Variants in PATJ observed in about 807,000 individuals in gnomAD.
PATJ encodes the protein inaD-like protein.
PATJ carries 190 observed loss-of-function variants against 224.9 expected under a neutral mutation model. The observed-to-expected ratio is 0.84, with a 90% CI of 0.75 to 0.95. The LOEUF (loss-of-function observed/expected upper bound fraction) is 0.95. PATJ is among the 40% of genes least tolerant of loss of function. PATJ has a pLI of 0.00. For synonymous variants in PATJ, 769 were observed against 820.3 expected, an observed-to-expected ratio of 0.94 and a Z score of 1.07; for missense variants, 2,121 against 2,270.3, an observed-to-expected ratio of 0.93 and a Z score of 1.34.
At chr1:62,076,062 G>C (rs573752290) in intron 31 of PATJ, among the ~76,000 whole-genome samples, 1 of 152,070 alleles carries the variant, frequency 6.6e-6, no homozygotes, top group South Asian at 2.1e-4. Context: ...ACGAATGCTA[G>C]GACCCCCATC....
At chr1:62,136,997 A>G (rs1196800500) in intron 41 of PATJ, among the ~76,000 whole-genome samples, 5 of 152,126 alleles carry the variant, frequency 3.3e-5, no homozygotes, top group African/African-American at 1.2e-4. Context: ...GCATTGTAAT[A>G]TCTTTCTTAT....
intron 7 of PATJ, among the ~76,000 whole-genome samples, chr1:61,787,436 G>A (rs1208590665): frequency 6.6e-6 from 1 of 152,142 alleles, no homozygotes; most frequent in African/African-American, 2.4e-5. Flanking sequence ...TTGAGGCCCT[G>A]GCCTTTCTGT....
intron 12 of PATJ, among the ~76,000 whole-genome samples, chr1:61,804,812 C>CA (rs1653198460): frequency 6.6e-6 from 1 of 152,050 alleles, no homozygotes; most frequent in African/African-American, 2.4e-5. Context: ...GTATTCCACT[C>CA]AAAAAAGTCG....
chr1:62,107,944 T>C (rs1194669037), intron 33 of PATJ, among the ~76,000 whole-genome samples: 2 of 152,178 alleles, frequency 1.3e-5, no homozygotes, highest in Non-Finnish European at 2.9e-5. Context: ...AGTCCATGAA[T>C]GCTGTTTCCC....
chr1:62,043,631 A>C (rs1651936224), intron 30 of PATJ, among the ~76,000 whole-genome samples: 1 of 152,172 alleles, frequency 6.6e-6, no homozygotes, highest in African/African-American at 2.4e-5. Context: ...GTTACATACA[A>C]AACAGGATTT....
At chr1:61,919,684 TTTG>T (rs1673997666) in intron 26 of PATJ, among the ~76,000 whole-genome samples, 1 of 151,304 alleles carries the variant, frequency 6.6e-6, no homozygotes, top group South Asian at 2.1e-4. Context: ...GGGTTTTTTG[TTTG>T]TTTGTTTGTT....
chr1:61,997,824 TA>T (rs1553235992), intron 28 of PATJ, among the ~76,000 whole-genome samples: 7,550 of 85,302 alleles, frequency 0.089, 572 homozygotes, highest in East Asian at 0.43. Context: ...TGTTTTGTTT[TA>T]AAAAAAAAAA....
rs749315946 is a variant in PATJ, at chr1:61,990,178, A to G, written c.3681A>G (p.Arg1227=). ...AAATTCTTTTAATAGAAAAAATCAG[A>G]CAAAGATATGCAGATCTGCCTGGAG... The part of the protein sequence containing the change: ...EEDAFTDQKI[R]QRYADLPGEL... The change falls in exon 28 of 44, where the codon AGA becomes AGG. Residue 1227 remains arginine, a synonymous_variant. Coordinates refer to ENST00000642238, the MANE Select transcript of PATJ (RefSeq NM_001350145.3). 4 of 1,596,402 alleles carry G rather than the reference A, an allele frequency of 2.5e-6. No homozygotes were observed. Among genetic ancestry groups the G allele is most frequent in the Non-Finnish European group, 3.4e-6 (4 of 1,175,300 alleles).
chr1:61,931,645 T>C (rs1197777981), intron 27 of PATJ, among the ~76,000 whole-genome samples: 1 of 152,114 alleles, frequency 6.6e-6, no homozygotes. Context: ...ACATCTATAG[T>C]CCCACCCACT....
chr1:62,071,403 T>G (rs529870576), intron 31 of PATJ, among the ~76,000 whole-genome samples: 1 of 152,272 alleles, frequency 6.6e-6, no homozygotes, highest in African/African-American at 2.4e-5. Context: ...CATCCTGAAA[T>G]TATAGCTACT....
At chr1:62,011,978 G>A (rs1211454701) in intron 28 of PATJ, among the ~76,000 whole-genome samples, 4 of 151,550 alleles carry the variant, frequency 2.6e-5, no homozygotes, top group African/African-American at 9.7e-5. Flanking sequence ...AGCGAGCCAT[G>A]TGCATACTAC....
At chr1:61,818,153 G>A (rs1656531476) in intron 14 of PATJ, among the ~76,000 whole-genome samples, 1 of 152,136 alleles carries the variant, frequency 6.6e-6, no homozygotes, top group South Asian at 2.1e-4. Flanking sequence ...GATAGGTCTC[G>A]CCACTTGTGG....
intron 31 of PATJ, among the ~76,000 whole-genome samples, chr1:62,056,395 G>A (rs1315934707): frequency 6.6e-6 from 1 of 152,168 alleles, no homozygotes; most frequent in Non-Finnish European, 1.5e-5. Context: ...AAGCACAGTG[G>A]CTCCAGTTTG....
At chr1:62,020,331 C>G (rs1362574991) in intron 29 of PATJ, among the ~76,000 whole-genome samples, 1 of 152,126 alleles carries the variant, frequency 6.6e-6, no homozygotes, top group Non-Finnish European at 1.5e-5. Context: ...GCTGCTACCA[C>G]AAGAGCTGTT....
intron 17 of PATJ, among the ~76,000 whole-genome samples, chr1:61,845,020 A>C (rs1054520368): frequency 4.6e-5 from 7 of 152,196 alleles, no homozygotes; most frequent in Non-Finnish European, 4.4e-5. Context: ...AAATGGACTA[A>C]TACAACAGGT....
At chr1:61,769,472 GA>G in intron 5 of PATJ, 50 bp downstream of exon 5, 3 of 1,567,270 alleles carry the variant, frequency 1.9e-6, no homozygotes, top group Non-Finnish European at 2.6e-6. Context: ...TGATAATTCT[GA>G]AAACTATTAT....
At chr1:61,812,443 T>C (rs943226578) in intron 14 of PATJ, among the ~76,000 whole-genome samples, 1 of 129,378 alleles carries the variant, frequency 7.7e-6, no homozygotes, top group Non-Finnish European at 1.7e-5. Context: ...AGTGTGTGTG[T>C]GTGTGTGTGT....
At chr1:61,911,485 G>A (rs898013404) in intron 25 of PATJ, among the ~76,000 whole-genome samples, 13 of 151,716 alleles carry the variant, frequency 8.6e-5, no homozygotes, top group African/African-American at 2.7e-4. Flanking sequence ...GTGAGCCACC[G>A]CACCTAGCCA....
intron 33 of PATJ, among the ~76,000 whole-genome samples, chr1:62,092,891 G>A (rs113716197): frequency 0.016 from 2,497 of 151,496 alleles, 53 homozygotes; most frequent in South Asian, 0.084. Flanking sequence ...ACAGGCACGC[G>A]CGACCACACC....
Sources: gnomAD v4.1 joint callset for allele counts (sites outside exome capture counted in the v4.1 genomes callset) on GRCh38, gnomAD v4.1.1 for gene constraint, MANE v1.5 for transcripts, NCBI Gene and HGNC (gene_info 2026-07-23, HGNC 2026-07-21) for gene names.